Variants in USP46 observed in about 807,000 individuals in gnomAD.
USP46 encodes the protein ubiquitin carboxyl-terminal hydrolase 46.
Under a neutral mutation model 44.4 loss-of-function variants are expected in USP46, and 12 were observed. That is an observed-to-expected ratio of 0.27 (90% confidence interval 0.17 to 0.44). The LOEUF is 0.44. Ranked by LOEUF, USP46 falls within the 20% of genes least tolerant of loss-of-function variation. The probability of loss-of-function intolerance (pLI) is 1.00; values close to 1 mark genes in which losing one functional copy is unlikely to be tolerated. For missense variants in USP46, 248 were observed against 444.8 expected (o/e 0.56, Z 3.98); for synonymous variants, 155 against 161.5 (o/e 0.96, Z 0.31).
At chr4:52,626,925 T>C (rs919233905) in intron 3 of USP46, among the ~76,000 whole-genome samples, 2 of 152,180 alleles carry the variant, frequency 1.3e-5, no homozygotes, top group African/African-American at 4.8e-5. Context: ...GGGTAATTTA[T>C]TCAGAGCAAC....
At position 52,626,187 on chromosome 4, in the gene USP46, G is replaced by C; in HGVS notation, c.392C>G (p.Thr131Ser). Residue 131 changes from threonine (T) to serine (S), a missense_variant, in exon 4 of 9, where the codon ACT becomes AGT. Coordinates refer to ENST00000441222, the MANE Select transcript of USP46 (RefSeq NM_022832.4). ...AHEFLNYLLN[T>S]IADILQEEKK... is the part of the protein sequence containing the mutation. ...CTCCTCCTGAAGGATGTCCGCAATA[G>C]TGTTTAGCAAATAATTTAAAAATTC... 1 of 1,613,834 alleles carries C rather than the reference G, an allele frequency of 6.2e-7. No individual in the cohort carries two copies. Among genetic ancestry groups the C allele is most frequent in the Non-Finnish European group, 8.5e-7 (1 of 1,179,852 alleles).
intron 1 of USP46, among the ~76,000 whole-genome samples, chr4:52,631,515 A>AATATTTGATG (rs1560405049): frequency 1.3e-5 from 2 of 152,242 alleles, no homozygotes; most frequent in Non-Finnish European, 2.9e-5. Flanking sequence ...GAATCATATT[A>AATATTTGATG]CCACTATCAA....
intron 1 of USP46, among the ~76,000 whole-genome samples, chr4:52,632,827 G>C (rs1300356221): frequency 7.5e-6 from 1 of 134,036 alleles, no homozygotes; most frequent in Non-Finnish European, 1.6e-5. Flanking sequence ...GAAAAGAACA[G>C]AACAGAACAG....
intron 1 of USP46, chr4:52,656,465 C>T (rs1301633056): frequency 4.8e-5 from 65 of 1,347,876 alleles, no homozygotes; most frequent in Admixed American, 9.4e-5. Context: ...GAGCAGGGGG[C>T]GGGGTTAAGG....
At chr4:52,635,211 A>G (rs1034092633) in intron 1 of USP46, among the ~76,000 whole-genome samples, 2 of 151,728 alleles carry the variant, frequency 1.3e-5, no homozygotes, top group African/African-American at 4.8e-5. Context: ...TTCAACTTTG[A>G]GTATATGGAT....
At position 52,628,000 on chromosome 4, in the gene USP46, A is replaced by G. The variant is rs746882473; in HGVS notation, c.281T>C (p.Val94Ala). Reference sequence around the variant, plus strand: ...GAACTTCTTTGGTGGGATGACGCCAACCTTCTTCTTCTGTGTGGCAATGCT... The same window carrying G: ...GAACTTCTTTGGTGGGATGACGCCAGCCTTCTTCTTCTGTGTGGCAATGCT... Reference protein sequence around the residue: ...FHSIATQKKKVGVIPPKKFIS... With the variant: ...FHSIATQKKKAGVIPPKKFIS... Residue 94 changes from valine (V) to alanine (A), a missense_variant, in exon 3 of 9, where the codon GTT (valine) becomes GCT (alanine). Around this residue, in one of 5 missense-constraint regions of USP46, gnomAD observed 54 missense variants for 135.0 expected, o/e 0.40. Transcript: ENST00000441222. 1.2e-6 allele frequency: 2 copies of G among 1,613,854 alleles called. No homozygotes were observed. The highest frequency in any genetic ancestry group is 1.3e-5 in the African/African-American group (1 of 75,020).
intron 1 of USP46, among the ~76,000 whole-genome samples, chr4:52,639,778 C>T (rs1361931623): frequency 4.0e-5 from 6 of 151,168 alleles, no homozygotes; most frequent in Non-Finnish European, 5.9e-5. Context: ...TTCACTGCAG[C>T]GTCAACCTTT....
chr4:52,650,617 T>C (rs1387251620), intron 1 of USP46, among the ~76,000 whole-genome samples: 1 of 152,200 alleles, frequency 6.6e-6, no homozygotes, highest in Admixed American at 6.5e-5. Context: ...CTGTTAAATC[T>C]GAAGGGTAGG....
rs941098924 is a variant in USP46, at chr4:52,594,915, T to C, written c.*2725A>G. On this transcript the variant is annotated 3_prime_UTR_variant, in exon 9 of 9. Transcript: ENST00000441222. ...CAGAAGTGAAAATGCATCAACACAA[T>C]AGGACCAGATGCCAGCATTTTACCA... 4 of 152,164 alleles carry C rather than the reference T, an allele frequency of 2.6e-5. No homozygotes were observed. The highest frequency in any genetic ancestry group is 9.7e-5 in the African/African-American group (4 of 41,440). The allele number at this position is 152,164 out of a possible 1,614,324, so 9.4% of individuals were successfully genotyped here. A position where few individuals can be genotyped will look rare whatever the true frequency, so the allele number is the denominator to read the frequency against.
chr4:52,613,140 T>C (rs1032256055), intron 4 of USP46, among the ~76,000 whole-genome samples: 6 of 152,274 alleles, frequency 3.9e-5, no homozygotes, highest in African/African-American at 1.2e-4. Context: ...GGCCTTTAGC[T>C]TGGGGTGCTG....
chr4:52,611,951 G>A (rs577187042), intron 4 of USP46, among the ~76,000 whole-genome samples: 102 of 152,226 alleles, frequency 6.7e-4, no homozygotes, highest in Non-Finnish European at 1.2e-3. Context: ...GCCCAGATCC[G>A]TATCCCGTCT....
chr4:52,656,622 CTGAGTTCTAGCCATGT>C, intron 1 of USP46: 2 of 1,227,600 alleles, frequency 1.6e-6, no homozygotes, highest in South Asian at 4.5e-5. Context: ...ATGACACTCA[CTGAGTTCTAGCCATGT>C]ACCAGGCCCT....
chr4:52,599,909 T>C (rs1472285336), intron 7 of USP46, among the ~76,000 whole-genome samples: 2 of 152,146 alleles, frequency 1.3e-5, no homozygotes, highest in African/African-American at 4.8e-5. Flanking sequence ...TGCATTGCTG[T>C]AAACTCTGCC....
chr4:52,598,432 T>G (rs973638651), intron 8 of USP46, 196 bp downstream of exon 8: 1 of 577,978 alleles, frequency 1.7e-6, no homozygotes, highest in African/African-American at 1.9e-5. Flanking sequence ...ACAGCGTCAG[T>G]GAGTCCATGA....
At chr4:52,636,966 C>A (rs891363740) in intron 1 of USP46, among the ~76,000 whole-genome samples, 2 of 151,862 alleles carry the variant, frequency 1.3e-5, no homozygotes, top group African/African-American at 4.8e-5. Context: ...GCATAACCCA[C>A]ACCCAGATAA....
chr4:52,626,352 C>T (rs1281494118), intron 3 of USP46, 105 bp from the exon 4 acceptor site: 2 of 948,434 alleles, frequency 2.1e-6, no homozygotes, highest in African/African-American at 3.3e-5. Context: ...GAGATGGAGT[C>T]TCGCTGTGTC....
In USP46 at chr4:52,633,030, A is replaced by AG. The variant is rs200214217; in HGVS notation, c.37-1887_37-1886insC. ...AGAAAGAAAGAAAGAAAGAAAGAAA[A>AG]AGAAAGGTAAGTTTCATTTTTAAAA... On this transcript the variant is annotated intron_variant, in intron 1 of 8. Transcript: ENST00000441222. Among the ~76,000 whole-genome samples the AG allele has an allele frequency of 2.3e-3, 304 of 132,740 alleles. 1 individual carries two copies. The highest frequency in any genetic ancestry group is 8.2e-3 in the African/African-American group (287 of 34,988). The allele number at this position is 132,740 out of a possible 152,430, so 87.1% of individuals were successfully genotyped here. A position where few individuals can be genotyped will look rare whatever the true frequency, so the allele number is the denominator to read the frequency against.
At chr4:52,607,147 T>C (rs1180799957) in intron 5 of USP46, among the ~76,000 whole-genome samples, 1 of 152,200 alleles carries the variant, frequency 6.6e-6, no homozygotes, top group Non-Finnish European at 1.5e-5. Flanking sequence ...CAAAAACTTA[T>C]TTGATTTGTA....
chr4:52,647,143 A>G (rs1372585063), intron 1 of USP46, among the ~76,000 whole-genome samples: 2 of 152,216 alleles, frequency 1.3e-5, no homozygotes, highest in African/African-American at 4.8e-5. Flanking sequence ...AATACTCTGC[A>G]GCCATAAAAA....
Sources: allele counts gnomAD v4.1 joint callset (sites outside exome capture counted in the v4.1 genomes callset), GRCh38; gene constraint gnomAD v4.1.1; regional missense constraint gnomAD v4.1.1; transcripts MANE v1.5; gene names NCBI Gene and HGNC (gene_info 2026-07-23, HGNC 2026-07-21).